The following ARMC8 variants were observed in gnomAD, a reference collection of about 807,000 sequenced individuals.
The protein encoded by ARMC8 is armadillo repeat-containing protein 8.
A neutral mutation model predicts 99.3 loss-of-function variants in ARMC8; 20 were observed. That is an observed-to-expected ratio of 0.20 (90% CI 0.14 to 0.29). The LOEUF is 0.29. ARMC8 is among the 10% of genes least tolerant of loss of function. The pLI is 1.00. For synonymous variants in ARMC8, 263 were observed against 278.3 expected, an observed-to-expected ratio of 0.95 and a Z score of 0.55; for missense variants, 569 against 809.5, an observed-to-expected ratio of 0.70 and a Z score of 3.60.
Position 138,265,151 on chromosome 3 carries a change from C to A in ARMC8, c.1299+939C>A, listed in dbSNP as rs191880660. Among the ~76,000 whole-genome samples, 663 of 152,152 alleles carry A rather than the reference C, an allele frequency of 4.4e-3. 5 individuals carry two copies. Among genetic ancestry groups the A allele is most frequent in the African/African-American group, 0.015 (609 of 41,478 alleles). The stretch of plus-strand genomic sequence containing the variant: ...AGCTCAAGTGATCCTGCCTTGGCCT[C>A]CCAAAGTGTTGGCTAGGATTACAGG... On this transcript the variant is annotated intron_variant, in intron 14 of 21. Coordinates refer to ENST00000469044, the MANE Select transcript of ARMC8 (RefSeq NM_001363941.2).
chr3:138,187,547 G>A lies in ARMC8; in HGVS notation c.-8G>A. The A allele has an allele frequency of 6.5e-7, 1 of 1,535,740 alleles. No individual in the cohort carries two copies. The highest frequency in any genetic ancestry group is 8.7e-7 in the Non-Finnish European group (1 of 1,146,644). On this transcript the variant is annotated 5_prime_UTR_variant, in exon 1 of 22. Transcript: ENST00000469044. ...GGCGCCTGCAGCAGCCGGGTGGGAA[G>A]GCTCAAGATGGCGTGCTTGTTGGAG...
intron 6 of ARMC8, among the ~76,000 whole-genome samples, chr3:138,232,394 A>G (rs2046097250): frequency 6.6e-6 from 1 of 152,234 alleles, no homozygotes; most frequent in Non-Finnish European, 1.5e-5. Context: ...AAAGTAAGGT[A>G]TCTTGTCAGC....
chr3:138,212,876 G>T (rs1292521034), intron 2 of ARMC8, among the ~76,000 whole-genome samples: 3 of 152,130 alleles, frequency 2.0e-5, no homozygotes, highest in Non-Finnish European at 4.4e-5. Flanking sequence ...TAATTGAAAG[G>T]ACATAAAATA....
chr3:138,262,675 C>A, intron 12 of ARMC8: 2 of 1,275,930 alleles, frequency 1.6e-6, no homozygotes, highest in Admixed American at 3.1e-5. Context: ...ATGGCCTGGA[C>A]ATAGGATTAA....
intron 5 of ARMC8, among the ~76,000 whole-genome samples, chr3:138,226,274 G>A (rs912751261): frequency 1.3e-5 from 2 of 152,198 alleles, no homozygotes; most frequent in Admixed American, 6.5e-5. Flanking sequence ...GATTACAGGC[G>A]TGAGCCACTG....
chr3:138,219,433 G>C (rs1041169697), intron 2 of ARMC8, among the ~76,000 whole-genome samples: 3 of 152,226 alleles, frequency 2.0e-5, no homozygotes, highest in African/African-American at 7.2e-5. Context: ...GCTTCCTGAG[G>C]AAGTGACATT....
At chr3:138,257,046 C>T (rs2047443381) in intron 12 of ARMC8, among the ~76,000 whole-genome samples, 1 of 152,182 alleles carries the variant, frequency 6.6e-6, no homozygotes, top group Non-Finnish European at 1.5e-5. Context: ...TCAGATAAGA[C>T]TATTTCTAAG....
intron 12 of ARMC8, among the ~76,000 whole-genome samples, chr3:138,249,136 C>T (rs1005751860): frequency 6.6e-6 from 1 of 152,164 alleles, no homozygotes; most frequent in African/African-American, 2.4e-5. Context: ...AATGAACACA[C>T]AGACAAATGG....
chr3:138,229,134 G>GTATATA lies in ARMC8; in HGVS notation c.528+168_528+173dup, dbSNP rs71146119. The GTATATA allele has an allele frequency of 1.1e-3, 84 of 78,544 alleles. 2 individuals are homozygous for GTATATA. Among genetic ancestry groups the GTATATA allele is most frequent in the Middle Eastern group, 7.0e-3 (1 of 142 alleles). The allele number at this position is 78,544 out of a possible 1,614,324, so 4.9% of individuals were successfully genotyped here. On this transcript the variant is annotated intron_variant, in intron 6 of 21. Transcript: ENST00000469044. ...TATAAGTAGACCTGTGTGTGTGCGT[G>GTATATA]TATATATATATATATATATATATAT...
At chr3:138,249,173 G>A (rs913085946) in intron 12 of ARMC8, among the ~76,000 whole-genome samples, 17 of 152,246 alleles carry the variant, frequency 1.1e-4, no homozygotes, top group African/African-American at 3.4e-4. Context: ...GCATTATTAA[G>A]CACCCATTAT....
Position 138,277,950 on chromosome 3 carries a change from A to G in ARMC8, c.1725+3406A>G, listed in dbSNP as rs552663828. On this transcript the variant is annotated intron_variant, in intron 18 of 21. Coordinates refer to ENST00000469044, the MANE Select transcript of ARMC8 (RefSeq NM_001363941.2). ...GGACAAACTGTTGCTGTATGTAACA[A>G]CATGGATGAATCTCAAATGCATTAC... 2.0e-5 allele frequency among the ~76,000 whole-genome samples: 3 copies of G among 152,368 alleles called. No homozygotes were observed. In the South Asian group the frequency reaches 6.2e-4, roughly 32 times the overall value.
intron 19 of ARMC8, chr3:138,287,565 A>G: frequency 2.2e-6 from 1 of 453,528 alleles, no homozygotes; most frequent in South Asian, 1.6e-5. Flanking sequence ...AAGCTCATTT[A>G]TTCAACAAAT....
intron 2 of ARMC8, among the ~76,000 whole-genome samples, chr3:138,220,447 A>G (rs972959426): frequency 6.6e-6 from 1 of 152,190 alleles, no homozygotes; most frequent in Non-Finnish European, 1.5e-5. Flanking sequence ...ACCCTCAGGC[A>G]CTGAGCTAAT....
chr3:138,269,352 T>C lies in ARMC8; in HGVS notation c.1387-688T>C, dbSNP rs2048566469. Among the ~76,000 whole-genome samples, 2 of 152,190 alleles carry C rather than the reference T, an allele frequency of 1.3e-5. 1 individual carries two copies. The highest frequency in any genetic ancestry group is 4.1e-4 in the South Asian group (2 of 4,832). ...TCTTAATCCTCTAAGGTTTGAATAT[T>C]TTTTAGAAATTACCAAAAATTCATG... On this transcript the variant is annotated intron_variant, in intron 15 of 21. Transcript: ENST00000469044.
intron 12 of ARMC8, chr3:138,245,386 G>GT: frequency 7.1e-7 from 1 of 1,400,534 alleles, no homozygotes. Flanking sequence ...TGGCATGGCC[G>GT]TGCTGGAATG....
chr3:138,202,081 T>A (rs1023348853), intron 1 of ARMC8, among the ~76,000 whole-genome samples: 1 of 152,216 alleles, frequency 6.6e-6, no homozygotes, highest in African/African-American at 2.4e-5. Flanking sequence ...GAGTTCAAAC[T>A]TCCTATTTTT....
At chr3:138,210,308 G>A (rs547010502) in intron 2 of ARMC8, among the ~76,000 whole-genome samples, 1 of 152,240 alleles carries the variant, frequency 6.6e-6, no homozygotes, top group African/African-American at 2.4e-5. Flanking sequence ...TGAGTCTCCT[G>A]TTGATGTTTT....
intron 6 of ARMC8, among the ~76,000 whole-genome samples, chr3:138,234,704 T>A (rs867967738): frequency 3.3e-5 from 5 of 152,246 alleles, no homozygotes; most frequent in Admixed American, 1.3e-4. Context: ...ATTGCTGTGG[T>A]GGCATTCTAT....
intron 2 of ARMC8, among the ~76,000 whole-genome samples, chr3:138,219,350 T>C (rs756927370): frequency 2.6e-5 from 4 of 152,204 alleles, no homozygotes; most frequent in African/African-American, 9.6e-5. Context: ...CCAGGTCAGA[T>C]TGGCTTTCTT....
Sources: gnomAD v4.1 joint callset for allele counts (sites outside exome capture counted in the v4.1 genomes callset) on GRCh38, gnomAD v4.1.1 for gene constraint, MANE v1.5 for transcripts, NCBI Gene and HGNC (gene_info 2026-07-23, HGNC 2026-07-21) for gene names.